The following KALRN variants were observed in gnomAD, a reference collection of about 807,000 sequenced individuals.
The protein encoded by KALRN is kalirin RhoGEF kinase.
Under a neutral mutation model 353.7 loss-of-function variants are expected in KALRN, and 70 were observed. That is an observed-to-expected ratio of 0.20 (90% CI 0.16 to 0.24). KALRN has a LOEUF of 0.24. Ranked by LOEUF, KALRN falls within the 10% of genes least tolerant of loss-of-function variation. The pLI, the probability that KALRN is intolerant of heterozygous loss-of-function variation, is 1.00. For missense variants in KALRN, 2,791 were observed against 3,756.7 expected (o/e 0.74, Z 6.72); for synonymous variants, 1,391 against 1,434.8 (o/e 0.97, Z 0.69).
At chr3:124,427,480 A>G (rs1041499617) in intron 15 of KALRN, among the ~76,000 whole-genome samples, 2 of 152,250 alleles carry the variant, frequency 1.3e-5, no homozygotes, top group Non-Finnish European at 2.9e-5. Flanking sequence ...GACCTTGAGA[A>G]CACAGCCATC....
intron 9 of KALRN, among the ~76,000 whole-genome samples, chr3:124,341,257 G>A (rs2081674903): frequency 6.6e-6 from 1 of 152,216 alleles, no homozygotes; most frequent in African/African-American, 2.4e-5. Flanking sequence ...TTACAAGACT[G>A]CCTGCCTGCT....
intron 1 of KALRN, among the ~76,000 whole-genome samples, chr3:124,053,701 T>C (rs945097197): frequency 2.0e-5 from 3 of 152,248 alleles, no homozygotes; most frequent in African/African-American, 7.2e-5. Flanking sequence ...GTCTGCTTGC[T>C]TACCTGTGCA....
At chr3:124,399,739 T>G (rs1278482354) in intron 13 of KALRN, among the ~76,000 whole-genome samples, 1 of 152,202 alleles carries the variant, frequency 6.6e-6, no homozygotes, top group Non-Finnish European at 1.5e-5. Flanking sequence ...TCTCATAAAC[T>G]CCTCAGTTTA....
At position 124,425,812 on chromosome 3, in the gene KALRN, G is replaced by T. The variant is rs544449481; in HGVS notation, c.2709+2834G>T. Among the ~76,000 whole-genome samples, 5 of 152,196 alleles carry T rather than the reference G, an allele frequency of 3.3e-5. No individual in the cohort carries two copies. The East Asian group carries it at 5.8e-4, about 18-fold the overall frequency. ...ACACATCCTATATAGGAGGAGACTG[G>T]GCTGATGATAAGTATTTTGTTAAAT... On this transcript the variant is annotated intron_variant, in intron 15 of 59. Transcript: ENST00000682506.
chr3:124,722,087 A>T lies in KALRN; in HGVS notation c.*2617A>T, dbSNP rs1010574429. The T allele has an allele frequency of 6.6e-6, 1 of 152,350 alleles. No homozygotes were observed. The highest frequency in any genetic ancestry group is 2.4e-5 in the African/African-American group (1 of 41,434). 9.4% of individuals were successfully genotyped at this position (152,350 alleles called of 1,614,324 possible). On this transcript the variant is annotated 3_prime_UTR_variant, in exon 60 of 60. Coordinates refer to ENST00000682506, the MANE Select transcript of KALRN (RefSeq NM_001388419.1). ...TCCACTGTGGATGACCTGAATCAAG[A>T]TCCCCCTGCTGAGCCATTCTGAGTT...
At chr3:124,376,765 T>A (rs1322887003) in intron 10 of KALRN, among the ~76,000 whole-genome samples, 1 of 152,056 alleles carries the variant, frequency 6.6e-6, no homozygotes, top group Non-Finnish European at 1.5e-5. Flanking sequence ...AACTGCAGAG[T>A]TTTTGGGTTG....
intron 15 of KALRN, among the ~76,000 whole-genome samples, chr3:124,425,452 C>A (rs2092970847): frequency 6.6e-6 from 1 of 152,056 alleles, no homozygotes; most frequent in Non-Finnish European, 1.5e-5. Context: ...TTTTCCTGAC[C>A]TCAGCAGTAC....
rs1446519985 is a variant in KALRN, at chr3:124,724,094, C to T, written c.*4624C>T. 1 of 151,688 alleles carries T rather than the reference C, an allele frequency of 6.6e-6. No homozygotes were observed. Among genetic ancestry groups the T allele is most frequent in the African/African-American group, 2.4e-5 (1 of 41,302 alleles). The allele number at this position is 151,688 out of a possible 1,614,324, so 9.4% of individuals were successfully genotyped here. On this transcript the variant is annotated 3_prime_UTR_variant, in exon 60 of 60. Transcript: ENST00000682506. ...TGCATATTTGCTATCCCATAACCTC[C>T]ATGATTAGAGCCCACGAGTTAGGCA...
chr3:124,094,781 G>C, intron 1 of KALRN: 7 of 1,462,018 alleles, frequency 4.8e-6, no homozygotes, highest in Non-Finnish European at 5.8e-6. Context: ...CGAGTCAGCG[G>C]TGGTGGGATG....
rs1315816214 is a variant in KALRN, at chr3:124,422,956, A to G, written c.2687A>G (p.His896Arg). Reference protein sequence around the residue: ...KRLEQCLQLRHLQAEVKQVLG... With the variant: ...KRLEQCLQLRRLQAEVKQVLG... ...CTAGAGCAGTGCCTCCAATTACGTC[A>G]CCTCCAGGCTGAAGTCAAACAGGTA... Residue 896 changes from histidine to arginine, a missense_variant, in exon 15 of 60, where the codon CAC becomes CGC. This residue lies in a region of KALRN where 452 missense variants were observed against 575.8 expected (regional missense o/e 0.78). Coordinates refer to ENST00000682506, the MANE Select transcript of KALRN (RefSeq NM_001388419.1). The G allele has an allele frequency of 1.2e-6, 2 of 1,613,556 alleles. No homozygotes were observed. Among genetic ancestry groups the G allele is most frequent in the Admixed American group, 3.3e-5 (2 of 59,974 alleles).
At chr3:124,381,010 T>C (rs576713022) in intron 10 of KALRN, among the ~76,000 whole-genome samples, 2 of 152,182 alleles carry the variant, frequency 1.3e-5, no homozygotes, top group East Asian at 3.9e-4. Flanking sequence ...GGGAAAGAGA[T>C]GAAAGACATT....
chr3:124,140,310 A>G (rs1180788367), intron 1 of KALRN, among the ~76,000 whole-genome samples: 1 of 152,256 alleles, frequency 6.6e-6, no homozygotes, highest in Non-Finnish European at 1.5e-5. Context: ...GAGAATGTGT[A>G]GTTTAAAAGA....
chr3:124,649,646 C>G (rs1416315319), intron 37 of KALRN, among the ~76,000 whole-genome samples: 1 of 143,092 alleles, frequency 7.0e-6, no homozygotes, highest in Non-Finnish European at 1.5e-5. Flanking sequence ...AAAAGATTAG[C>G]TGGATATGGT....
At chr3:124,172,636 G>A (rs771949324) in intron 1 of KALRN, among the ~76,000 whole-genome samples, 8 of 152,016 alleles carry the variant, frequency 5.3e-5, no homozygotes, top group Non-Finnish European at 7.4e-5. Flanking sequence ...GAGAATAGGA[G>A]AAGAAAATTT....
intron 19 of KALRN, among the ~76,000 whole-genome samples, chr3:124,444,467 AT>A (rs1367973636): frequency 6.6e-6 from 1 of 152,206 alleles, no homozygotes; most frequent in Non-Finnish European, 1.5e-5. Flanking sequence ...AAAAAGTTAC[AT>A]GATAAAGGCT....
At position 124,446,870 on chromosome 3, in the gene KALRN, C is replaced by T. The variant is rs780783869; in HGVS notation, c.3537C>T (p.Phe1179=). The T allele has an allele frequency of 1.2e-6, 2 of 1,614,012 alleles. No individual in the cohort carries two copies. Among genetic ancestry groups the T allele is most frequent in the Non-Finnish European group, 1.7e-6 (2 of 1,179,968 alleles). Residue 1179 remains phenylalanine, a synonymous_variant, in exon 21 of 60, where the codon TTC becomes TTT. Coordinates refer to ENST00000682506, the MANE Select transcript of KALRN (RefSeq NM_001388419.1). The part of the protein sequence containing the change: ...TQELLKEYGE[F]RVPAKQTKEK... ...AACTGCTGAAAGAATATGGGGAATT[C>T]AGGGTGCCTGCCAAGGTAGGAAACA...
intron 26 of KALRN, among the ~76,000 whole-genome samples, chr3:124,476,243 G>T (rs917413939): frequency 1.3e-5 from 2 of 151,468 alleles, no homozygotes; most frequent in East Asian, 2.0e-4. Flanking sequence ...GTCAAGACCA[G>T]GAAGCCTAAA....
intron 7 of KALRN, 70 bp from the exon 8 acceptor site, chr3:124,329,791 T>A (rs182017543): frequency 6.7e-5 from 103 of 1,543,014 alleles, no homozygotes; most frequent in Middle Eastern, 5.2e-4. Context: ...TATCTGACCC[T>A]CTCTCCATAA....
chr3:124,143,713 G>C (rs1038322599), intron 1 of KALRN, among the ~76,000 whole-genome samples: 1 of 152,146 alleles, frequency 6.6e-6, no homozygotes, highest in Non-Finnish European at 1.5e-5. Context: ...TCTATACATA[G>C]ACAGGCAGGA....
Sources: allele counts gnomAD v4.1 joint callset (sites outside exome capture counted in the v4.1 genomes callset), GRCh38; gene constraint gnomAD v4.1.1; regional missense constraint gnomAD v4.1.1; transcripts MANE v1.5; gene names NCBI Gene and HGNC (gene_info 2026-07-23, HGNC 2026-07-21).